Variants in ADCK2 observed in about 807,000 individuals in gnomAD.
ADCK2 encodes the protein aarF domain containing kinase 2, also known as uncharacterized aarF domain-containing protein kinase 2.
A neutral mutation model predicts 52.3 loss-of-function variants in ADCK2; 37 were observed. The ratio of observed to expected loss-of-function variants is 0.71; its 90% CI spans 0.54 to 0.93. ADCK2 has a LOEUF of 0.93. Among genes scored for constraint, ADCK2 ranks in the 40% least tolerant of loss-of-function variants. ADCK2 has a pLI of 0.00. For synonymous variants in ADCK2, 321 were observed against 349.2 expected (o/e 0.92, Z 0.90); for missense variants, 695 against 798.7 (o/e 0.87, Z 1.56).
intron 3 of ADCK2, 26 bp downstream of exon 3, chr7:140,679,309 A>G (rs1794476022): frequency 6.2e-7 from 1 of 1,612,262 alleles, no homozygotes; most frequent in East Asian, 2.2e-5. Context: ...TTGCCTGGCC[A>G]TACCTTTCAC....
At chr7:140,689,282 AT>A (rs969527383) in intron 5 of ADCK2, among the ~76,000 whole-genome samples, 70 of 149,188 alleles carry the variant, frequency 4.7e-4, no homozygotes, top group South Asian at 1.1e-3. Context: ...TTAAAAAAAA[AT>A]TTTTTTTTTT....
At chr7:140,692,798 T>A (rs1044722157) in intron 7 of ADCK2, among the ~76,000 whole-genome samples, 2 of 152,278 alleles carry the variant, frequency 1.3e-5, no homozygotes, top group Non-Finnish European at 1.5e-5. Context: ...TTTAAAAACA[T>A]TTAATGTAGC....
chr7:140,687,237 G>T lies in ADCK2; in HGVS notation c.1553G>T (p.Gly518Val). The change falls in exon 5 of 8, where the codon GGG becomes GTG. Residue 518 changes from glycine (G) to valine (V), a missense_variant. Physicochemically the swap from Gly to Val is moderately radical, Grantham distance 109. Transcript: ENST00000072869. The part of the protein sequence containing the change: ...FRAVFMAVVM[G>V]QGQRVAELIL... ...GCAGTTTTCATGGCTGTGGTGATGGGGCAGGTGAGACGCACTGGGACCACA... is the reference window on the plus strand; with the variant it reads ...GCAGTTTTCATGGCTGTGGTGATGGTGCAGGTGAGACGCACTGGGACCACA... 6.4e-7 allele frequency: 1 copy of T among 1,561,582 alleles called. No individual in the cohort carries two copies. The highest frequency in any genetic ancestry group is 8.7e-7 in the Non-Finnish European group (1 of 1,150,214).
rs12532682 is a variant in ADCK2, at chr7:140,693,931, G to T, written c.1741-732G>T. The stretch of plus-strand genomic sequence containing the variant: ...TCACTGTGTCAGCCAGGATGGTCTC[G>T]ATCTCCTGACCTCATGATCCGCCCG... On this transcript the variant is annotated intron_variant, in intron 7 of 7. Transcript: ENST00000072869. The surrounding 1 kb of genome is among the most constrained non-coding windows in gnomAD (Gnocchi z 4.0). Among the ~76,000 whole-genome samples the T allele has an allele frequency of 3.3e-4, 50 of 152,076 alleles. 1 individual carries two copies. Among genetic ancestry groups the T allele is most frequent in the Admixed American group, 3.3e-3 (50 of 15,280 alleles).
At chr7:140,688,426 A>C (rs1354456388) in intron 5 of ADCK2, among the ~76,000 whole-genome samples, 1 of 152,180 alleles carries the variant, frequency 6.6e-6, no homozygotes, top group Non-Finnish European at 1.5e-5. Flanking sequence ...TGTGCCAGAA[A>C]CGAGTGGAGG....
At position 140,695,083 on chromosome 7, in the gene ADCK2, G is replaced by A. The variant is rs549491495; in HGVS notation, c.*280G>A. On this transcript the variant is annotated 3_prime_UTR_variant, in exon 8 of 8. Transcript: ENST00000072869. ...CCTTCAGGGAAAATGTTATGTGGAGGAGGACGAATAAATTTATTTTGTTTT... is the reference window on the plus strand; with the variant it reads ...CCTTCAGGGAAAATGTTATGTGGAGAAGGACGAATAAATTTATTTTGTTTT... The A allele has an allele frequency of 1.8e-3, 2,081 of 1,180,828 alleles. 5 individuals are homozygous for A. The highest frequency in any genetic ancestry group is 2.1e-3 in the Non-Finnish European group (2,020 of 955,678). The allele number at this position is 1,180,828 out of a possible 1,614,324, so 73.1% of individuals were successfully genotyped here.
intron 2 of ADCK2, among the ~76,000 whole-genome samples, chr7:140,677,677 C>T (rs1794443178): frequency 6.6e-6 from 1 of 152,158 alleles, no homozygotes; most frequent in South Asian, 2.1e-4. Context: ...AATTTTATGT[C>T]AGGGACTGAG....
chr7:140,678,682 G>A lies in ADCK2; in HGVS notation c.1081-473G>A, dbSNP rs1377604162. Among the ~76,000 whole-genome samples the A allele has an allele frequency of 6.6e-6, 1 of 152,202 alleles. No homozygotes were observed. The highest frequency in any genetic ancestry group is 2.4e-5 in the African/African-American group (1 of 41,450). On this transcript the variant is annotated intron_variant, in intron 2 of 7. Transcript: ENST00000072869. The surrounding 1 kb of genome is among the most constrained non-coding windows in gnomAD (Gnocchi z 4.9). The stretch of plus-strand genomic sequence containing the variant: ...CTGGAAGTGGTCCTTTGGGTCTGGT[G>A]AGTGGTGGTTGGGGAGAGTAGCAGT...
At chr7:140,679,753 A>C (rs553718606) in intron 3 of ADCK2, among the ~76,000 whole-genome samples, 1 of 125,206 alleles carries the variant, frequency 8.0e-6, no homozygotes, top group Non-Finnish European at 1.6e-5. Flanking sequence ...GCTCACTGCC[A>C]CCTCCGCCTT....
intron 4 of ADCK2, among the ~76,000 whole-genome samples, chr7:140,684,555 G>A (rs1794573145): frequency 6.6e-6 from 1 of 152,118 alleles, no homozygotes. Context: ...TCTCAGAGGC[G>A]AAGAATCATG....
intron 2 of ADCK2, among the ~76,000 whole-genome samples, chr7:140,675,140 A>T (rs1176248880): frequency 6.6e-6 from 1 of 152,008 alleles, no homozygotes; most frequent in Non-Finnish European, 1.5e-5. Context: ...CTACTCAGGA[A>T]GCTGAGGCAT....
chr7:140,681,104 T>C lies in ADCK2; in HGVS notation c.1272T>C (p.Ile424=), dbSNP rs1346560614. The change falls in exon 4 of 8, where the codon ATT becomes ATC. Residue 424 remains isoleucine, a synonymous_variant. Transcript: ENST00000072869. ...AGIPVDLKRK[I]ARLGINMLLK... ...TTCCCGTGGACTTGAAAAGGAAGAT[T>C]GCACGGCTGGGGATCAACATGCTCC... is the stretch of plus-strand genomic sequence containing the variant. 6.2e-7 allele frequency: 1 copy of C among 1,613,934 alleles called. No individual in the cohort carries two copies. The highest frequency in any genetic ancestry group is 1.3e-5 in the African/African-American group (1 of 74,864).
chr7:140,685,624 A>G (rs1794592134), intron 4 of ADCK2, among the ~76,000 whole-genome samples: 1 of 151,932 alleles, frequency 6.6e-6, no homozygotes, highest in Admixed American at 6.6e-5. Flanking sequence ...ATCCCTACCA[A>G]AGCCACAGTC....
Position 140,673,989 on chromosome 7 carries a change from A to G in ADCK2, c.659A>G (p.Asn220Ser). The G allele has an allele frequency of 1.2e-6, 2 of 1,614,074 alleles. No individual in the cohort carries two copies. Among genetic ancestry groups the G allele is most frequent in the South Asian group, 2.2e-5 (2 of 91,076 alleles). Residue 220 changes from asparagine (N) to serine (S), a missense_variant, in exon 1 of 8, where the codon AAC becomes AGC. Coordinates refer to ENST00000072869, the MANE Select transcript of ADCK2 (RefSeq NM_052853.4). The surrounding 1 kb of genome is among the most constrained non-coding windows in gnomAD (Gnocchi z 6.4). The stretch of plus-strand genomic sequence containing the variant: ...GCCCAGGTGTACAAAGCATACGCCA[A>G]CACTGCCTTCCTGGAGACTGACAGC... The part of the protein sequence containing the change: ...CVAQVYKAYA[N>S]TAFLETDSVQ...
intron 2 of ADCK2, among the ~76,000 whole-genome samples, chr7:140,677,057 A>AC (rs1388005718): frequency 2.9e-4 from 44 of 151,010 alleles, no homozygotes; most frequent in East Asian, 7.8e-4. Flanking sequence ...AAACAAACAA[A>AC]AAACTCTGTT....
At position 140,673,435 on chromosome 7, in the gene ADCK2, C is replaced by A. The variant is rs557689792; in HGVS notation, c.105C>A (p.Arg35=). The change falls in exon 1 of 8, where the codon CGC becomes CGA. Residue 35 remains arginine, a synonymous_variant. Transcript: ENST00000072869. The surrounding 1 kb of genome is among the most constrained non-coding windows in gnomAD (Gnocchi z 6.4). Reference sequence around the variant, plus strand: ...TCCTGAGGCCCTCCGAGTGCCCTCGCGATGCCAGGCTCTGCTGGCTTCTGC... The same window carrying A: ...TCCTGAGGCCCTCCGAGTGCCCTCGAGATGCCAGGCTCTGCTGGCTTCTGC... ...LSLLRPSECP[R]DARLCWLLLG... The A allele has an allele frequency of 5.3e-5, 85 of 1,604,896 alleles. No individual in the cohort carries two copies. The highest frequency in any genetic ancestry group is 7.2e-5 in the Non-Finnish European group (85 of 1,176,014).
At chr7:140,676,725 T>G (rs921222953) in intron 2 of ADCK2, among the ~76,000 whole-genome samples, 1 of 152,214 alleles carries the variant, frequency 6.6e-6, no homozygotes, top group African/African-American at 2.4e-5. Flanking sequence ...TAACAGTGAC[T>G]AAAAACTCTG....
chr7:140,686,127 CTA>C (rs1410405403), intron 4 of ADCK2, among the ~76,000 whole-genome samples: 6 of 152,072 alleles, frequency 3.9e-5, no homozygotes, highest in African/African-American at 1.2e-4. Flanking sequence ...AAATGCAGTT[CTA>C]TGAGTTTAAA....
In ADCK2 at chr7:140,673,835, A is replaced by G; in HGVS notation, c.505A>G (p.Lys169Glu). Residue 169 changes from lysine (K) to glutamate (E), a missense_variant, in exon 1 of 8, where the codon AAG becomes GAG. By Grantham distance (56) the Lys-to-Glu change is moderately conservative (BLOSUM62 1). Transcript: ENST00000072869. This position sits in a 1 kb window ranked among gnomAD's most constrained non-coding sequence, Gnocchi z 6.4. The stretch of plus-strand genomic sequence containing the variant: ...GGAGGCTTTCTGTGCCCAATTTTCC[A>G]AGCTGCATGTCCGAGTGACGCCCCA... ...FSEAFCAQFS[K>E]LHVRVTPHPW... 6.2e-7 allele frequency: 1 copy of G among 1,613,632 alleles called. No individual in the cohort carries two copies. The highest frequency in any genetic ancestry group is 8.5e-7 in the Non-Finnish European group (1 of 1,179,974).
Sources: allele counts gnomAD v4.1 joint callset (sites outside exome capture counted in the v4.1 genomes callset), GRCh38; gene constraint gnomAD v4.1.1; non-coding constraint Gnocchi (gnomAD v3.1); transcripts MANE v1.5; gene names NCBI Gene and HGNC (gene_info 2026-07-23, HGNC 2026-07-21).